RELA: variants seen among roughly 807,000 people sequenced by gnomAD.
RELA encodes transcription factor p65.
Under a neutral mutation model 56.7 loss-of-function variants are expected in RELA, and 14 were observed. That is an observed-to-expected ratio of 0.25 (90% confidence interval 0.16 to 0.39). RELA has a LOEUF of 0.39. Among genes scored for constraint, RELA ranks in the 10% least tolerant of loss-of-function variants. The pLI is 1.00. For synonymous variants in RELA, 315 were observed against 289.7 expected (o/e 1.09, Z -0.89); for missense variants, 559 against 736.4 (o/e 0.76, Z 2.79).
At chr11:65,660,026 C>A (rs2135565111) in intron 5 of RELA, 98 bp downstream of exon 5, 1 of 1,314,546 alleles carries the variant, frequency 7.6e-7, no homozygotes, top group South Asian at 1.2e-5. Context: ...CACCAAGATT[C>A]CAGCTTTACT....
rs1276673194 is a variant in RELA at position 65,662,175 on chromosome 11, T to C, written c.34+4A>G. The C allele has an allele frequency of 3.1e-6, 5 of 1,589,462 alleles. No individual in the cohort carries two copies. The highest frequency in any genetic ancestry group is 2.2e-5 in the East Asian group (1 of 44,606). On this transcript the variant is annotated splice_donor_region_variant and intron_variant, in intron 2 of 10. Coordinates refer to ENST00000406246, the MANE Select transcript of RELA (RefSeq NM_021975.4). ...CCTCCCCGACCGCCGCGGGGGCCAC[T>C]TACCTGCCGGGAAGATGAGGGGGAA...
At chr11:65,659,019 C>T (rs530511164) in intron 6 of RELA, among the ~76,000 whole-genome samples, 197 bp from the exon 7 acceptor site, 1 of 152,194 alleles carries the variant, frequency 6.6e-6, no homozygotes, top group African/African-American at 2.4e-5. Flanking sequence ...CTACTGTGCA[C>T]TCAACACTGA....
In RELA at chr11:65,661,995, G is replaced by A; in HGVS notation, c.128C>T (p.Ala43Val). ...GCTCCTCTCGCCTGGGATGCTGCCCGCGGAGCGCCCCTCGCACTTGTAGCG... is the reference window on the plus strand; with the variant it reads ...GCTCCTCTCGCCTGGGATGCTGCCCACGGAGCGCCCCTCGCACTTGTAGCG... The part of the protein sequence containing the change: ...RFRYKCEGRS[A>V]GSIPGERSTD... The change falls in exon 3 of 11, where the codon GCG becomes GTG. Residue 43 changes from alanine (A) to valine (V), a missense_variant. Physicochemically the swap from Ala to Val is moderately conservative, Grantham distance 64. Around this residue, in one of 4 missense-constraint regions of RELA, gnomAD observed 24 missense variants for 75.5 expected, o/e 0.32. Transcript: ENST00000406246. The A allele has an allele frequency of 1.2e-6, 2 of 1,613,766 alleles. No homozygotes were observed. Among genetic ancestry groups the A allele is most frequent in the Non-Finnish European group, 1.7e-6 (2 of 1,179,958 alleles).
In RELA at chr11:65,661,840, C is replaced by G; in HGVS notation, c.187-5G>C. On this transcript the variant is annotated splice_polypyrimidine_tract_variant and splice_region_variant and intron_variant, in intron 3 of 10. Coordinates refer to ENST00000406246, the MANE Select transcript of RELA (RefSeq NM_021975.4). The stretch of plus-strand genomic sequence containing the variant: ...TGGTCCTGTGTAGCCATTGATCTGT[C>G]CAAAGTACAGAGGCCCAGACATCCA... The G allele has an allele frequency of 1.2e-6, 2 of 1,607,866 alleles. No homozygotes were observed. The highest frequency in any genetic ancestry group is 1.7e-6 in the Non-Finnish European group (2 of 1,176,044).
rs1856385379 is a variant in RELA at position 65,655,013 on chromosome 11, GAC to G, written c.1034-15_1034-14del. ...TAGGGCTGGGGTGCTGGAGGAGAGA[GAC>G]AGAGAGGCAGGGGTCAGAGAAAGCC... On this transcript the variant is annotated splice_polypyrimidine_tract_variant and intron_variant, in intron 10 of 10. Transcript: ENST00000406246. 6.3e-7 allele frequency: 1 copy of G among 1,583,864 alleles called. No individual in the cohort carries two copies. Among genetic ancestry groups the G allele is most frequent in the Non-Finnish European group, 8.6e-7 (1 of 1,164,166 alleles).
intron 5 of RELA, 51 bp from the exon 6 acceptor site, chr11:65,659,848 G>T: frequency 6.4e-7 from 1 of 1,566,060 alleles, no homozygotes. Context: ...GGATATAGGT[G>T]CTATCAGTGG....
At chr11:65,657,187 A>C (rs1856453162) in intron 8 of RELA, among the ~76,000 whole-genome samples, 1 of 152,088 alleles carries the variant, frequency 6.6e-6, no homozygotes, top group Non-Finnish European at 1.5e-5. Flanking sequence ...ACTTGCATTA[A>C]AACCTTGGGC....
chr11:65,656,311 G>T (rs1202771323), intron 8 of RELA, among the ~76,000 whole-genome samples: 1 of 152,206 alleles, frequency 6.6e-6, no homozygotes, highest in African/African-American at 2.4e-5. Context: ...GGGCAGCTGA[G>T]GCACAACTGC....
chr11:65,654,287 T>A lies in RELA; in HGVS notation c.*91A>T. 1 of 1,552,742 alleles carries A rather than the reference T, an allele frequency of 6.4e-7. No individual in the cohort carries two copies. The highest frequency in any genetic ancestry group is 8.9e-7 in the Non-Finnish European group (1 of 1,129,400). ...AAGACATCCACAAAGTTGGGGGCAG[T>A]TGGAACACACCCCACCAGAATCCGT... On this transcript the variant is annotated 3_prime_UTR_variant, in exon 11 of 11. Transcript: ENST00000406246.
Position 65,653,939 on chromosome 11 carries a change from G to A in RELA, c.*439C>T. 3.6e-6 allele frequency: 1 copy of A among 275,478 alleles called. No homozygotes were observed. The highest frequency in any genetic ancestry group is 3.1e-5 in the South Asian group (1 of 31,976). 17.1% of individuals were successfully genotyped at this position (275,478 alleles called of 1,614,324 possible). A position where few individuals can be genotyped will look rare whatever the true frequency, so the allele number is the denominator to read the frequency against. ...CAGGGACAATGCCAGTGCCATACAG[G>A]GGCTGGTATCTGGGGCGTTATTTTG... On this transcript the variant is annotated 3_prime_UTR_variant, in exon 11 of 11. Coordinates refer to ENST00000406246, the MANE Select transcript of RELA (RefSeq NM_021975.4).
At chr11:65,663,539 T>G (rs898150506), upstream of RELA, among the ~76,000 whole-genome samples, 6 of 152,184 alleles carry the variant, frequency 3.9e-5, no homozygotes, top group African/African-American at 1.4e-4. Flanking sequence ...GCTGGCGAGC[T>G]GGCCGAGGGC....
At chr11:65,656,642 T>C (rs1464946164) in intron 8 of RELA, among the ~76,000 whole-genome samples, 1 of 152,248 alleles carries the variant, frequency 6.6e-6, no homozygotes, top group Non-Finnish European at 1.5e-5. Context: ...ACACTGGGGA[T>C]GTGGCCGTGA....
chr11:65,658,690 G>T lies in RELA; in HGVS notation c.664+28C>A. 6.3e-7 allele frequency: 1 copy of T among 1,597,864 alleles called. No individual in the cohort carries two copies. The highest frequency in any genetic ancestry group is 2.2e-5 in the East Asian group (1 of 44,746). The stretch of plus-strand genomic sequence containing the variant: ...GCTCAGCTTCACCCCTTGCTCCCAA[G>T]AGCCCACCCCTGCCTCCTGATGTAT... On this transcript the variant is annotated intron_variant, in intron 7 of 10. Transcript: ENST00000406246. The surrounding 1 kb of genome is among the most constrained non-coding windows in gnomAD (Gnocchi z 4.5).
intron 5 of RELA, 56 bp downstream of exon 5, chr11:65,660,068 G>C: frequency 6.5e-7 from 1 of 1,531,066 alleles, no homozygotes; most frequent in South Asian, 1.1e-5. Flanking sequence ...ATGCAGGAAA[G>C]GCGGGCTGGG....
chr11:65,658,638 G>C lies in RELA; in HGVS notation c.664+80C>G. On this transcript the variant is annotated intron_variant, in intron 7 of 10. Transcript: ENST00000406246. The surrounding 1 kb of genome is among the most constrained non-coding windows in gnomAD (Gnocchi z 4.5). ...CGAGGCACAGGAGGAAGTATCCAAAGCCAGTTACCTGACACTCCACTTCTC... is the reference window on the plus strand; with the variant it reads ...CGAGGCACAGGAGGAAGTATCCAAACCCAGTTACCTGACACTCCACTTCTC... 1.4e-6 allele frequency: 2 copies of C among 1,448,940 alleles called. No homozygotes were observed. The highest frequency in any genetic ancestry group is 1.9e-6 in the Non-Finnish European group (2 of 1,033,594). The allele number at this position is 1,448,940 out of a possible 1,614,324, so 89.8% of individuals were successfully genotyped here.
chr11:65,655,114 C>T, intron 10 of RELA, 114 bp from the exon 11 acceptor site: 1 of 815,890 alleles, frequency 1.2e-6, no homozygotes, highest in Non-Finnish European at 2.0e-6. Context: ...TCTAGGGAGT[C>T]ACTGCCAACA....
At chr11:65,659,282 G>A (rs375037926) in intron 6 of RELA, among the ~76,000 whole-genome samples, 15 of 152,164 alleles carry the variant, frequency 9.9e-5, no homozygotes, top group African/African-American at 3.6e-4. Flanking sequence ...GACTGCAGCT[G>A]ATCAGTCAGC....
rs773211289 is a variant in RELA at position 65,655,677 on chromosome 11, G to A, written c.1033+11C>T. 5 of 1,613,730 alleles carry A rather than the reference G, an allele frequency of 3.1e-6. No individual in the cohort carries two copies. The African/African-American group carries it at 6.7e-5, about 22-fold the overall frequency. ...ACCTGTCGTTCCAGTGGGACAAAAG[G>A]AAATCCTTACCTGGCTTGGGGACAG... On this transcript the variant is annotated intron_variant, in intron 10 of 10. Transcript: ENST00000406246.
upstream of RELA, chr11:65,662,922 G>A: frequency 1.9e-6 from 2 of 1,072,746 alleles, no homozygotes; most frequent in Non-Finnish European, 2.3e-6. Context: ...GAAATGCGCC[G>A]CGCGGCCCGC....
Sources: allele counts gnomAD v4.1 joint callset (sites outside exome capture counted in the v4.1 genomes callset), GRCh38; gene constraint gnomAD v4.1.1; regional missense constraint gnomAD v4.1.1; non-coding constraint Gnocchi (gnomAD v3.1); transcripts MANE v1.5; gene names NCBI Gene and HGNC (gene_info 2026-07-23, HGNC 2026-07-21).